The following CAPN15 variants were observed in gnomAD, a reference collection of about 807,000 sequenced individuals.
CAPN15 encodes calpain 15.
Under a neutral mutation model 97.9 loss-of-function variants are expected in CAPN15, and 53 were observed. The ratio of observed to expected loss-of-function variants is 0.54; its 90% CI spans 0.43 to 0.68. The LOEUF is 0.68. Among genes scored for constraint, CAPN15 ranks in the 30% least tolerant of loss-of-function variants. The pLI, the probability that CAPN15 is intolerant of heterozygous loss-of-function variation, is 0.00. For missense variants in CAPN15, 1,592 were observed against 1,589.8 expected (o/e 1.00, Z -0.02); for synonymous variants, 922 against 722.5 (o/e 1.28, Z -4.43).
chr16:542,295 C>T (rs2034175211), intron 3 of CAPN15, among the ~76,000 whole-genome samples: 1 of 151,050 alleles, frequency 6.6e-6, no homozygotes, highest in Non-Finnish European at 1.5e-5. Flanking sequence ...TGCATAGATA[C>T]CTAGGAGTGG....
chr16:552,501 C>T lies in CAPN15; in HGVS notation c.2708C>T (p.Pro903Leu), dbSNP rs138192600. The change falls in exon 11 of 14, where the codon CCG becomes CTG. Residue 903 changes from proline to leucine, a missense_variant. This residue lies in a region of CAPN15 where 644 missense variants were observed against 699.6 expected (regional missense o/e 0.92). Coordinates refer to ENST00000219611, the MANE Select transcript of CAPN15 (RefSeq NM_005632.3). This position sits in a 1 kb window ranked among gnomAD's most constrained non-coding sequence, Gnocchi z 6.4. ...VVCCAFNHWG[P>L]PLPGTPAPQA... Reference sequence around the variant, plus strand: ...TGCTGCGCCTTCAACCACTGGGGGCCGCCCCTGCCGGGCACCCCTGCCCCC... The same window carrying T: ...TGCTGCGCCTTCAACCACTGGGGGCTGCCCCTGCCGGGCACCCCTGCCCCC... 7.0e-4 allele frequency: 1,122 copies of T among 1,605,488 alleles called. 2 individuals carry two copies. Among genetic ancestry groups the T allele is most frequent in the Non-Finnish European group, 8.9e-4 (1,047 of 1,178,988 alleles).
rs2034658153 is a variant in CAPN15 at position 547,310 on chromosome 16, C to T, written c.472C>T (p.Pro158Ser). The change falls in exon 4 of 14, where the codon CCC (proline) becomes TCC (serine). Residue 158 changes from proline to serine, a missense_variant. This residue lies in a region of CAPN15 where 883 missense variants were observed against 776.6 expected (regional missense o/e 1.14). Coordinates refer to ENST00000219611, the MANE Select transcript of CAPN15 (RefSeq NM_005632.3). ...ACPRCTLHNTPVASSCSVCGG... is the reference protein window; with the variant it reads ...ACPRCTLHNTSVASSCSVCGG... ...TCCGCGTTGCACGCTGCACAACACGCCCGTGGCCAGCTCCTGCTCCGTCTG... is the reference window on the plus strand; with the variant it reads ...TCCGCGTTGCACGCTGCACAACACGTCCGTGGCCAGCTCCTGCTCCGTCTG... 1 of 1,526,188 alleles carries T rather than the reference C, an allele frequency of 6.6e-7. No individual in the cohort carries two copies. Among genetic ancestry groups the T allele is most frequent in the African/African-American group, 1.4e-5 (1 of 73,028 alleles). The allele number at this position is 1,526,188 out of a possible 1,614,324, so 94.5% of individuals were successfully genotyped here. A position where few individuals can be genotyped will look rare whatever the true frequency, so the allele number is the denominator to read the frequency against.
chr16:548,231 A>T lies in CAPN15; in HGVS notation c.1393A>T (p.Thr465Ser). 6.4e-7 allele frequency: 1 copy of T among 1,552,390 alleles called. No homozygotes were observed. The highest frequency in any genetic ancestry group is 8.7e-7 in the Non-Finnish European group (1 of 1,150,372). The change falls in exon 4 of 14, where the codon ACA becomes TCA. Residue 465 changes from threonine (T) to serine (S), a missense_variant. Transcript: ENST00000219611. ...CATGCACGTGGAGCAGCGGCGGCAG[A>T]CAGACGAGGGCGAGGCCAAGGCACT... ...ESMHVEQRRQTDEGEAKALWE... is the reference protein window; with the variant it reads ...ESMHVEQRRQSDEGEAKALWE...
intron 5 of CAPN15, 36 bp from the exon 6 acceptor site, chr16:549,252 G>A (rs561444197): frequency 9.0e-6 from 14 of 1,550,356 alleles, no homozygotes; most frequent in South Asian, 8.2e-5. Flanking sequence ...GCGACCGGCC[G>A]CGGTCCCCGC....
intron 3 of CAPN15, chr16:538,501 C>T (rs1229103634): frequency 1.3e-5 from 2 of 152,288 alleles, no homozygotes; most frequent in African/African-American, 2.4e-5. Flanking sequence ...TCAACCCTCC[C>T]ACGACCCCAG....
intron 7 of CAPN15, among the ~76,000 whole-genome samples, chr16:550,224 C>T (rs1230051287): frequency 1.3e-5 from 2 of 152,234 alleles, no homozygotes; most frequent in Non-Finnish European, 2.9e-5. Flanking sequence ...TGCCTCGACC[C>T]CCAGGGGCCT....
Position 551,622 on chromosome 16 carries a change from G to C in CAPN15, c.2303G>C (p.Ser768Thr). 3.7e-6 allele frequency: 6 copies of C among 1,605,614 alleles called. No homozygotes were observed. The highest frequency in any genetic ancestry group is 5.1e-6 in the Non-Finnish European group (6 of 1,178,326). Residue 768 changes from serine to threonine, a missense_variant, in exon 9 of 14, where the codon AGC becomes ACC. Around this residue, in one of 3 missense-constraint regions of CAPN15, gnomAD observed 644 missense variants for 699.6 expected, o/e 0.92. Coordinates refer to ENST00000219611, the MANE Select transcript of CAPN15 (RefSeq NM_005632.3). Reference protein sequence around the residue: ...HLRGELMPHGSSEGVFWMEYG... With the variant: ...HLRGELMPHGTSEGVFWMEYG... The stretch of plus-strand genomic sequence containing the variant: ...CGTGGCGAGCTCATGCCGCACGGCA[G>C]CAGTGAGGGTGTCTTCTGGATGGAG...
chr16:541,800 G>A (rs2034139520), intron 3 of CAPN15, among the ~76,000 whole-genome samples: 1 of 152,254 alleles, frequency 6.6e-6, no homozygotes, highest in Non-Finnish European at 1.5e-5. Context: ...CCACTGACCG[G>A]CTTCCTGTCT....
chr16:551,176 G>C, intron 7 of CAPN15, 126 bp from the exon 8 acceptor site: 1 of 1,429,220 alleles, frequency 7.0e-7, no homozygotes, highest in Non-Finnish European at 9.2e-7. Flanking sequence ...GAGGGTCCCG[G>C]TCGGTGAGGG....
At chr16:529,202 C>T in intron 1 of CAPN15, among the ~76,000 whole-genome samples, 1 of 152,080 alleles carries the variant, frequency 6.6e-6, no homozygotes, top group Non-Finnish European at 1.5e-5. Flanking sequence ...GCAGAGGAGC[C>T]AGTGACCTCT....
rs1487254124 is a variant in CAPN15, at chr16:546,993, G to A, written c.155G>A (p.Arg52His). The A allele has an allele frequency of 8.1e-6, 13 of 1,610,002 alleles. No homozygotes were observed. The highest frequency in any genetic ancestry group is 2.2e-5 in the East Asian group (1 of 44,882). ...GAGGAGCAGAAATGGCCCTGCGCCCGCTGCACCTTCCGCAACTTCCTGGGC... is the reference window on the plus strand; with the variant it reads ...GAGGAGCAGAAATGGCCCTGCGCCCACTGCACCTTCCGCAACTTCCTGGGC... ...SVEEQKWPCA[R>H]CTFRNFLGKE... Residue 52 changes from arginine (R) to histidine (H), a missense_variant, in exon 4 of 14, where the codon CGC becomes CAC. Transcript: ENST00000219611.
At chr16:551,753 A>G in intron 9 of CAPN15, 89 bp downstream of exon 9, 1 of 1,525,638 alleles carries the variant, frequency 6.6e-7, no homozygotes, top group Non-Finnish European at 8.9e-7. Context: ...CCTCCTGCTG[A>G]CCTGGGGTGG....
Position 553,506 on chromosome 16 carries a change from G to T in CAPN15, c.3251G>T (p.Arg1084Leu). Residue 1084 changes from arginine to leucine, a missense_variant, in exon 14 of 14, where the codon CGA (arginine) becomes CTA (leucine). Physicochemically the swap from Arg to Leu is moderately radical, Grantham distance 102. Around this residue, in one of 3 missense-constraint regions of CAPN15, gnomAD observed 644 missense variants for 699.6 expected, o/e 0.92. Coordinates refer to ENST00000219611, the MANE Select transcript of CAPN15 (RefSeq NM_005632.3). ...GAGGTCGCCGGTCTGCATGGGCCCC[G>T]ACCGCTGTGACCACCATGCCTGGGG... ...TPEVAGLHGP[R>L]PL The T allele has an allele frequency of 6.2e-7, 1 of 1,601,350 alleles. No homozygotes were observed. Among genetic ancestry groups the T allele is most frequent in the South Asian group, 1.1e-5 (1 of 90,342 alleles).
intron 13 of CAPN15, 111 bp downstream of exon 13, chr16:553,152 T>G (rs2035231630): frequency 3.0e-5 from 7 of 235,672 alleles, no homozygotes; most frequent in Non-Finnish European, 1.5e-5. Flanking sequence ...CCCCCTCCCC[T>G]ACCCCGCTGC....
rs945309775 is a variant in CAPN15 at position 547,984 on chromosome 16, C to T, written c.1146C>T (p.Pro382=). 11 of 1,582,714 alleles carry T rather than the reference C, an allele frequency of 7.0e-6. No individual in the cohort carries two copies. Among genetic ancestry groups the T allele is most frequent in the African/African-American group, 2.7e-5 (2 of 73,974 alleles). The part of the protein sequence containing the change: ...QEHGEPPTHC[P]DCGADKPSPC... The stretch of plus-strand genomic sequence containing the variant: ...ATGGCGAGCCCCCCACCCACTGCCC[C>T]GACTGTGGGGCCGACAAGCCCAGCC... Residue 382 remains proline, a synonymous_variant, in exon 4 of 14, where the codon CCC becomes CCT. Coordinates refer to ENST00000219611, the MANE Select transcript of CAPN15 (RefSeq NM_005632.3).
chr16:532,163 C>G lies in CAPN15; in HGVS notation c.-189-1783C>G, dbSNP rs142275555. Among the ~76,000 whole-genome samples, 1,351 of 149,134 alleles carry G rather than the reference C, an allele frequency of 9.1e-3. 21 individuals carry two copies. The highest frequency in any genetic ancestry group is 0.031 in the African/African-American group (1,240 of 40,360). On this transcript the variant is annotated intron_variant, in intron 1 of 13. Transcript: ENST00000219611. The stretch of plus-strand genomic sequence containing the variant: ...GCTGAGACTGTAGAATTGCTTGAAC[C>G]TGGGAGGCGGAGGTTGCAGTTAGCC...
Position 528,048 on chromosome 16 carries a change from G to T in CAPN15, c.-190+19G>T, listed in dbSNP as rs2032973802. 3 of 143,794 alleles carry T rather than the reference G, an allele frequency of 2.1e-5. No individual in the cohort carries two copies. In the South Asian group the frequency reaches 6.2e-4, roughly 30 times the overall value. The allele number at this position is 143,794 out of a possible 1,614,324, so 8.9% of individuals were successfully genotyped here. On this transcript the variant is annotated intron_variant, in intron 1 of 13. Transcript: ENST00000219611. ...TGTGGAGGTGAGTCCCGTCGGCCGG[G>T]CCCGGCCGGGCGCCCAGCCGGGGAC...
intron 1 of CAPN15, among the ~76,000 whole-genome samples, chr16:532,239 CAAA>C (rs1228158788): frequency 4.8e-5 from 4 of 83,442 alleles, no homozygotes; most frequent in Admixed American, 2.7e-4. Context: ...TACTCCGTCT[CAAA>C]AAAAAAAAAA....
chr16:547,797 A>G lies in CAPN15; in HGVS notation c.959A>G (p.Asp320Gly). ...GCCGGCAGCTCCACCTCGGGCAGTGACATCATTGACCTGGCCGGAGACACC... is the reference window on the plus strand; with the variant it reads ...GCCGGCAGCTCCACCTCGGGCAGTGGCATCATTGACCTGGCCGGAGACACC... ...VEAGSSTSGS[D>G]IIDLAGDTVR... is the part of the protein sequence containing the mutation. Residue 320 changes from aspartate (D) to glycine (G), a missense_variant, in exon 4 of 14, where the codon GAC (aspartate) becomes GGC (glycine). This residue lies in a region of CAPN15 where 883 missense variants were observed against 776.6 expected (regional missense o/e 1.14). Coordinates refer to ENST00000219611, the MANE Select transcript of CAPN15 (RefSeq NM_005632.3). 6.2e-7 allele frequency: 1 copy of G among 1,612,010 alleles called. No homozygotes were observed.
Sources: allele counts gnomAD v4.1 joint callset (sites outside exome capture counted in the v4.1 genomes callset), GRCh38; gene constraint gnomAD v4.1.1; regional missense constraint gnomAD v4.1.1; non-coding constraint Gnocchi (gnomAD v3.1); transcripts MANE v1.5; gene names NCBI Gene and HGNC (gene_info 2026-07-23, HGNC 2026-07-21).